CYB5B: variants seen among roughly 807,000 people sequenced by gnomAD.
CYB5B encodes cytochrome b5 type B (outer mitochondrial membrane).
CYB5B carries 14 observed loss-of-function variants against 21.3 expected under a neutral mutation model. The ratio of observed to expected loss-of-function variants is 0.66; its 90% CI spans 0.43 to 1.03. The LOEUF (loss-of-function observed/expected upper bound fraction) is 1.03. Ranked by LOEUF, CYB5B falls within the 50% of genes least tolerant of loss-of-function variation. The pLI is 0.00. For missense variants in CYB5B, 166 were observed against 185.1 expected, an observed-to-expected ratio of 0.90 and a Z score of 0.60; for synonymous variants, 69 against 68.4, an observed-to-expected ratio of 1.01 and a Z score of -0.04.
chr16:69,442,676 A>C (rs1011288945), intron 1 of CYB5B, among the ~76,000 whole-genome samples: 3 of 151,890 alleles, frequency 2.0e-5, no homozygotes, highest in African/African-American at 7.3e-5. Context: ...TGCCTGGATA[A>C]TTTTTTAATT....
intron 1 of CYB5B, among the ~76,000 whole-genome samples, chr16:69,441,721 A>T (rs548369313): frequency 1.7e-3 from 256 of 152,206 alleles, no homozygotes; most frequent in Non-Finnish European, 3.3e-3. Context: ...TTTTTAGTTC[A>T]ACTGACTGGA....
At chr16:69,442,625 C>T (rs2014835806) in intron 1 of CYB5B, among the ~76,000 whole-genome samples, 1 of 151,722 alleles carries the variant, frequency 6.6e-6, no homozygotes, top group Non-Finnish European at 1.5e-5. Flanking sequence ...GGATGATCCT[C>T]CTAATTCAGC....
intron 3 of CYB5B, among the ~76,000 whole-genome samples, chr16:69,453,495 A>G (rs917586512): frequency 6.6e-6 from 1 of 152,224 alleles, no homozygotes; most frequent in African/African-American, 2.4e-5. Flanking sequence ...ACAAGCAGTG[A>G]TTGCTATTTA....
rs551552939 is a variant in CYB5B, at chr16:69,455,613, G to GGTTA, written c.334-3479_334-3478insTTAG. 3.3e-3 allele frequency among the ~76,000 whole-genome samples: 500 copies of GGTTA among 151,822 alleles called. 24 individuals carry two copies. In the South Asian group the frequency reaches 0.098, roughly 30 times the overall value. Reference sequence around the variant, plus strand: ...AGTAGAGATGGGGTTTCACCATGTTGGCCAGGATGATCTTGATCTCCTGAC... The same window carrying GGTTA: ...AGTAGAGATGGGGTTTCACCATGTTGGTTAGCCAGGATGATCTTGATCTCCTGAC... On this transcript the variant is annotated intron_variant, in intron 3 of 4. Transcript: ENST00000307892.
chr16:69,431,628 C>T (rs993614698), intron 1 of CYB5B, among the ~76,000 whole-genome samples: 4 of 151,994 alleles, frequency 2.6e-5, no homozygotes, highest in East Asian at 1.9e-4. Flanking sequence ...GAAAATTAGA[C>T]GAGCATGGTG....
rs192278783 is a variant in CYB5B, at chr16:69,440,387, A to G, written c.175-6763A>G. ...TTTACATACTGCCTATATTTTTGAGATTTAGCCATAAGATGTCACTGTAGT... is the reference window on the plus strand; with the variant it reads ...TTTACATACTGCCTATATTTTTGAGGTTTAGCCATAAGATGTCACTGTAGT... On this transcript the variant is annotated intron_variant, in intron 1 of 4. Coordinates refer to ENST00000307892, the MANE Select transcript of CYB5B (RefSeq NM_030579.3). Among the ~76,000 whole-genome samples the G allele has an allele frequency of 1.9e-3, 294 of 152,152 alleles. 4 individuals carry two copies. Among genetic ancestry groups the G allele is most frequent in the African/African-American group, 5.7e-3 (238 of 41,516 alleles).
At position 69,462,417 on chromosome 16, in the gene CYB5B, C is replaced by T. The variant is rs1361386600; in HGVS notation, c.363-13C>T. 6.3e-6 allele frequency: 10 copies of T among 1,597,146 alleles called. No homozygotes were observed. The South Asian group carries it at 1.1e-4, about 18-fold the overall frequency. On this transcript the variant is annotated splice_polypyrimidine_tract_variant and intron_variant, in intron 4 of 4. Transcript: ENST00000307892. ...ATATTAACAACTTTATTGCTTTCTC[C>T]CCCTATTCCTAGTTGCTGGGCATAT... is the stretch of plus-strand genomic sequence containing the variant.
At chr16:69,460,568 G>T (rs1000454511) in intron 4 of CYB5B, among the ~76,000 whole-genome samples, 1 of 152,042 alleles carries the variant, frequency 6.6e-6, no homozygotes, top group Admixed American at 6.6e-5. Context: ...AGCACTCCTA[G>T]GGTAATGTAA....
intron 1 of CYB5B, among the ~76,000 whole-genome samples, chr16:69,435,959 A>G (rs552618715): frequency 7.9e-5 from 12 of 152,286 alleles, no homozygotes; most frequent in Admixed American, 1.3e-4. Flanking sequence ...TTTTATAGAA[A>G]GAATGCTCTC....
intron 3 of CYB5B, among the ~76,000 whole-genome samples, chr16:69,451,811 C>T (rs962542616): frequency 1.1e-4 from 16 of 151,806 alleles, no homozygotes; most frequent in Non-Finnish European, 2.1e-4. Flanking sequence ...ATTAGCCGGC[C>T]GTGGCGGCGG....
At position 69,447,159 on chromosome 16, in the gene CYB5B, G is replaced by A. The variant is rs1471772000; in HGVS notation, c.184G>A (p.Gly62Arg). The change falls in exon 2 of 5, where the codon GGA (glycine) becomes AGA (arginine). Residue 62 changes from glycine to arginine, a missense_variant. Coordinates refer to ENST00000307892, the MANE Select transcript of CYB5B (RefSeq NM_030579.3). ...TATCTTTTCCTTGTAGCACCCTGGA[G>A]GAGAAGAGGTTCTGCTGGAACAAGC... ...VTRFLNEHPG[G>R]EEVLLEQAGV... 1.9e-6 allele frequency: 3 copies of A among 1,613,852 alleles called. No homozygotes were observed. Among genetic ancestry groups the A allele is most frequent in the Non-Finnish European group, 2.5e-6 (3 of 1,179,928 alleles).
chr16:69,441,683 T>C (rs548784040), intron 1 of CYB5B, among the ~76,000 whole-genome samples: 1 of 152,324 alleles, frequency 6.6e-6, no homozygotes, highest in East Asian at 1.9e-4. Context: ...TAAAAAGTTA[T>C]GTAAACTCTT....
intron 1 of CYB5B, among the ~76,000 whole-genome samples, chr16:69,428,055 G>T (rs1355913651): frequency 6.6e-6 from 1 of 151,732 alleles, no homozygotes; most frequent in Non-Finnish European, 1.5e-5. Context: ...GAACTCCTGG[G>T]CTCAAGGGAT....
At chr16:69,442,843 T>G (rs933539089) in intron 1 of CYB5B, among the ~76,000 whole-genome samples, 39 of 145,694 alleles carry the variant, frequency 2.7e-4, no homozygotes, top group African/African-American at 9.9e-4. Flanking sequence ...TTTTTTTTTT[T>G]TAAATTCTGA....
chr16:69,431,318 A>G (rs2014703460), intron 1 of CYB5B, among the ~76,000 whole-genome samples: 1 of 152,160 alleles, frequency 6.6e-6, no homozygotes, highest in Non-Finnish European at 1.5e-5. Context: ...GTCACCATAA[A>G]TGAGAATATT....
At chr16:69,444,324 C>G (rs1357801614) in intron 1 of CYB5B, 2 of 152,744 alleles carry the variant, frequency 1.3e-5, no homozygotes, top group Non-Finnish European at 1.5e-5. Context: ...TCTGGCTTCT[C>G]CTGGGGTGCC....
Position 69,446,180 on chromosome 16 carries a change from C to T in CYB5B, c.175-970C>T, listed in dbSNP as rs545545597. Among the ~76,000 whole-genome samples, 19 of 152,156 alleles carry T rather than the reference C, an allele frequency of 1.2e-4. No individual in the cohort carries two copies. In the South Asian group the frequency reaches 3.5e-3, roughly 28 times the overall value. On this transcript the variant is annotated intron_variant, in intron 1 of 4. Transcript: ENST00000307892. ...CTCATTTAATATGTACAATAGTTGT[C>T]AAGACAGGTACTCTTATTAATATTT...
At chr16:69,436,996 G>A (rs967065735) in intron 1 of CYB5B, among the ~76,000 whole-genome samples, 7 of 152,142 alleles carry the variant, frequency 4.6e-5, no homozygotes, top group African/African-American at 1.4e-4. Context: ...ACTTAGTAAA[G>A]TAAATGAACT....
chr16:69,436,943 C>CT (rs2014766195), intron 1 of CYB5B, among the ~76,000 whole-genome samples: 1 of 152,162 alleles, frequency 6.6e-6, no homozygotes, highest in African/African-American at 2.4e-5. Flanking sequence ...AATTTGTCCT[C>CT]TTCTTTGTTG....
Sources: allele counts gnomAD v4.1 joint callset (sites outside exome capture counted in the v4.1 genomes callset), GRCh38; gene constraint gnomAD v4.1.1; transcripts MANE v1.5; gene names NCBI Gene and HGNC (gene_info 2026-07-23, HGNC 2026-07-21).